The following NRG3 variants were observed in gnomAD, a reference collection of about 807,000 sequenced individuals.
The protein encoded by NRG3 is pro-neuregulin-3, membrane-bound isoform.
NRG3 carries 31 observed loss-of-function variants against 66.9 expected under a neutral mutation model. The ratio of observed to expected loss-of-function variants is 0.46; its 90% CI spans 0.35 to 0.63. NRG3 has a LOEUF of 0.63. Among genes scored for constraint, NRG3 ranks in the 20% least tolerant of loss-of-function variants. The pLI is 0.00. For missense variants in NRG3, 910 were observed against 878.9 expected (o/e 1.04, Z -0.45); for synonymous variants, 393 against 359.4 (o/e 1.09, Z -1.06).
At chr10:82,392,274 AAT>A (rs1398357945) in intron 2 of NRG3, among the ~76,000 whole-genome samples, 2 of 152,132 alleles carry the variant, frequency 1.3e-5, no homozygotes, top group African/African-American at 4.8e-5. Flanking sequence ...AATATGCCAA[AAT>A]GCCACTAGCA....
At chr10:81,975,368 TCTA>T (rs2060085926) in intron 1 of NRG3, among the ~76,000 whole-genome samples, 4 of 151,892 alleles carry the variant, frequency 2.6e-5, no homozygotes, top group South Asian at 2.1e-4. Flanking sequence ...TATCTATCTA[TCTA>T]TCTATTCATC....
chr10:82,376,718 G>T (rs1182529473), intron 2 of NRG3, among the ~76,000 whole-genome samples: 1 of 152,130 alleles, frequency 6.6e-6, no homozygotes, highest in Non-Finnish European at 1.5e-5. Flanking sequence ...TTACCATGCT[G>T]GTCACCATAC....
At chr10:82,872,965 G>T (rs1266323199) in intron 4 of NRG3, among the ~76,000 whole-genome samples, 1 of 152,024 alleles carries the variant, frequency 6.6e-6, no homozygotes, top group East Asian at 1.9e-4. Context: ...ACCGGAAAGA[G>T]GATAACAACT....
chr10:82,719,343 A>T (rs781004749), intron 2 of NRG3, among the ~76,000 whole-genome samples: 1 of 152,216 alleles, frequency 6.6e-6, no homozygotes, highest in Non-Finnish European at 1.5e-5. Context: ...TTACAAAAAC[A>T]TGCATGAGTG....
chr10:82,385,521 C>A (rs941136916), intron 2 of NRG3, among the ~76,000 whole-genome samples: 1 of 152,100 alleles, frequency 6.6e-6, no homozygotes, highest in Non-Finnish European at 1.5e-5. Context: ...GTGGAGCAAG[C>A]ACCTTTTCCA....
intron 1 of NRG3, among the ~76,000 whole-genome samples, chr10:82,118,817 T>C (rs2067893027): frequency 6.6e-6 from 1 of 152,074 alleles, no homozygotes. Context: ...GCTAGGTGAG[T>C]GACTCCTGAT....
chr10:82,686,167 G>C (rs1482224930), intron 2 of NRG3, among the ~76,000 whole-genome samples: 1 of 141,612 alleles, frequency 7.1e-6, no homozygotes, highest in African/African-American at 2.6e-5. Context: ...AATTGTATGT[G>C]CTATGCTTTC....
intron 2 of NRG3, among the ~76,000 whole-genome samples, chr10:82,734,911 A>AG (rs1189891169): frequency 6.6e-6 from 1 of 151,612 alleles, no homozygotes; most frequent in Non-Finnish European, 1.5e-5. Flanking sequence ...TCAGCTACTC[A>AG]GGAGGCTGAG....
chr10:82,303,787 A>G (rs972445115), intron 1 of NRG3, among the ~76,000 whole-genome samples: 2 of 152,038 alleles, frequency 1.3e-5, no homozygotes, highest in Non-Finnish European at 2.9e-5. Flanking sequence ...GAATTGCTTG[A>G]ACCCGGGAGG....
At chr10:82,280,789 G>T (rs12245485) in intron 1 of NRG3, among the ~76,000 whole-genome samples, 20,978 of 152,088 alleles carry the variant, frequency 0.14, 3,298 homozygotes, top group African/African-American at 0.38. Context: ...TAGCAAGGGG[G>T]ACTCTAATTG....
rs898244263 is a variant in NRG3, at chr10:82,283,072, A to T, written c.824-75667A>T. 2.0e-5 allele frequency among the ~76,000 whole-genome samples: 3 copies of T among 152,002 alleles called. No individual in the cohort carries two copies. The East Asian group carries it at 5.8e-4, about 29-fold the overall frequency. ...CATGGCACTTAACACAGACTCTACA[A>T]CACGAGTTCTCCTGTCTTCTCGGTC... On this transcript the variant is annotated intron_variant, in intron 1 of 8. Coordinates refer to ENST00000372141, the MANE Select transcript of NRG3 (RefSeq NM_001010848.4).
chr10:82,238,460 G>A (rs569977428), intron 1 of NRG3, among the ~76,000 whole-genome samples: 1 of 152,172 alleles, frequency 6.6e-6, no homozygotes, highest in Non-Finnish European at 1.5e-5. Context: ...CTTGTTCAAA[G>A]TCACATTGGT....
At chr10:82,897,213 A>G (rs138365810) in intron 4 of NRG3, among the ~76,000 whole-genome samples, 77 of 152,348 alleles carry the variant, frequency 5.1e-4, no homozygotes, top group African/African-American at 1.8e-3. Flanking sequence ...TTACTGCAGA[A>G]TTTCAAAATA....
intron 1 of NRG3, among the ~76,000 whole-genome samples, chr10:81,930,570 A>G (rs926650672): frequency 5.9e-5 from 9 of 152,184 alleles, no homozygotes; most frequent in South Asian, 2.1e-4. Context: ...TTGCCTGGCA[A>G]GTAACAAACG....
At chr10:82,851,240 T>G (rs2063544941) in intron 3 of NRG3, among the ~76,000 whole-genome samples, 1 of 152,218 alleles carries the variant, frequency 6.6e-6, no homozygotes, top group South Asian at 2.1e-4. Flanking sequence ...TCCAGCTTCC[T>G]GGGATTTGCA....
chr10:82,835,307 T>C (rs1452146236), intron 3 of NRG3, among the ~76,000 whole-genome samples: 1 of 152,152 alleles, frequency 6.6e-6, no homozygotes, highest in East Asian at 1.9e-4. Flanking sequence ...TATAACTGGG[T>C]TGTGTCTGAA....
chr10:82,103,412 A>G (rs1386048313), intron 1 of NRG3, among the ~76,000 whole-genome samples: 2 of 152,188 alleles, frequency 1.3e-5, no homozygotes, highest in Non-Finnish European at 2.9e-5. Flanking sequence ...TTTAAAAGCA[A>G]GCAGTCAACT....
chr10:82,136,872 A>C (rs1340514457), intron 1 of NRG3, among the ~76,000 whole-genome samples: 1 of 152,164 alleles, frequency 6.6e-6, no homozygotes, highest in African/African-American at 2.4e-5. Context: ...GCGAAGTCTC[A>C]CAATCACTGT....
At chr10:82,629,140 A>T (rs1317411564) in intron 2 of NRG3, among the ~76,000 whole-genome samples, 4 of 152,170 alleles carry the variant, frequency 2.6e-5, no homozygotes, top group Admixed American at 6.5e-5. Flanking sequence ...CATTCAAGGG[A>T]TCAGTACAGG....
Sources: gnomAD v4.1 joint callset for allele counts (sites outside exome capture counted in the v4.1 genomes callset) on GRCh38, gnomAD v4.1.1 for gene constraint, MANE v1.5 for transcripts, NCBI Gene and HGNC (gene_info 2026-07-23, HGNC 2026-07-21) for gene names.